Variants in ERC2 observed in about 807,000 individuals in gnomAD.
ERC2 encodes the protein ELKS/RAB6-interacting/CAST family member 2, also known as ERC protein 2.
Under a neutral mutation model 114.8 loss-of-function variants are expected in ERC2, and 42 were observed. That is an observed-to-expected ratio of 0.37 (90% CI 0.29 to 0.47). The LOEUF (loss-of-function observed/expected upper bound fraction) is 0.47. ERC2 is among the 20% of genes least tolerant of loss of function. The probability of loss-of-function intolerance (pLI) is 0.99; values close to 1 mark genes in which losing one functional copy is unlikely to be tolerated. For missense variants in ERC2, 939 were observed against 1,150.7 expected, an observed-to-expected ratio of 0.82 and a Z score of 2.66; for synonymous variants, 454 against 425.5, an observed-to-expected ratio of 1.07 and a Z score of -0.82.
intron 2 of ERC2, among the ~76,000 whole-genome samples, chr3:56,340,611 AAGCATTATT>A (rs758447418): frequency 2.7e-5 from 4 of 150,106 alleles, no homozygotes; most frequent in Non-Finnish European, 5.9e-5. Context: ...GCATATTTTT[AAGCATTATT>A]AGCAGCCTTG....
intron 3 of ERC2, among the ~76,000 whole-genome samples, chr3:56,181,817 G>A (rs1300028347): frequency 6.6e-6 from 1 of 152,152 alleles, no homozygotes; most frequent in Non-Finnish European, 1.5e-5. Flanking sequence ...CACATCATGA[G>A]GATATCAAGA....
At chr3:56,346,696 T>TTA (rs1201198114) in intron 2 of ERC2, among the ~76,000 whole-genome samples, 1 of 152,240 alleles carries the variant, frequency 6.6e-6, no homozygotes, top group Non-Finnish European at 1.5e-5. Context: ...ATAACAATAC[T>TTA]GTCTTAGTCT....
rs1278365207 is a variant in ERC2, at chr3:55,508,715, G to C, written c.*2601C>G. 6.6e-6 allele frequency: 1 copy of C among 152,458 alleles called. No homozygotes were observed. Among genetic ancestry groups the C allele is most frequent in the African/African-American group, 2.4e-5 (1 of 41,378 alleles). The allele number at this position is 152,458 out of a possible 1,614,324, so 9.4% of individuals were successfully genotyped here. Reference sequence around the variant, plus strand: ...TCTCGTCATAAACACTGTTTAAAAAGTAAATTGAAACCCACTTTCAAATGA... The same window carrying C: ...TCTCGTCATAAACACTGTTTAAAAACTAAATTGAAACCCACTTTCAAATGA... On this transcript the variant is annotated 3_prime_UTR_variant, in exon 18 of 18. Transcript: ENST00000288221.
At chr3:55,655,459 T>C (rs1211911106) in intron 17 of ERC2, among the ~76,000 whole-genome samples, 1 of 152,154 alleles carries the variant, frequency 6.6e-6, no homozygotes, top group Non-Finnish European at 1.5e-5. Context: ...TTAAAAGAAT[T>C]GAAATAAGTT....
intron 2 of ERC2, among the ~76,000 whole-genome samples, chr3:56,390,499 A>G (rs1478019395): frequency 2.0e-5 from 3 of 152,326 alleles, no homozygotes; most frequent in Admixed American, 2.0e-4. Context: ...GCTACCTTGT[A>G]CACTGGGTTT....
chr3:55,708,948 A>AAGAC (rs1336540633), intron 15 of ERC2, among the ~76,000 whole-genome samples: 5 of 128,404 alleles, frequency 3.9e-5, no homozygotes, highest in African/African-American at 1.6e-4. Flanking sequence ...GGAGAGAGGA[A>AAGAC]AGACAGTGTT....
At chr3:55,705,248 C>T (rs776262417) in intron 15 of ERC2, among the ~76,000 whole-genome samples, 11 of 152,136 alleles carry the variant, frequency 7.2e-5, no homozygotes, top group Non-Finnish European at 1.6e-4. Context: ...GGGTCAAACG[C>T]CCCTTGAGTT....
intron 17 of ERC2, among the ~76,000 whole-genome samples, chr3:55,565,410 C>A (rs1172151444): frequency 1.3e-5 from 2 of 152,122 alleles, no homozygotes; most frequent in Non-Finnish European, 2.9e-5. Context: ...TGGAAGCCTG[C>A]TGGGAAGAGA....
chr3:56,254,869 T>A (rs12630006), intron 3 of ERC2, among the ~76,000 whole-genome samples: 68,504 of 152,006 alleles, frequency 0.45, 15,677 homozygotes, highest in Middle Eastern at 0.49. Context: ...TAACACCTGT[T>A]AAATAGTCAA....
At chr3:55,980,336 A>G (rs2070013230) in intron 12 of ERC2, among the ~76,000 whole-genome samples, 1 of 152,194 alleles carries the variant, frequency 6.6e-6, no homozygotes, top group Non-Finnish European at 1.5e-5. Flanking sequence ...TCCTCAGACA[A>G]ACATACACAG....
chr3:55,935,515 G>C (rs781280166), intron 13 of ERC2, among the ~76,000 whole-genome samples: 1 of 152,260 alleles, frequency 6.6e-6, no homozygotes, highest in East Asian at 1.9e-4. Context: ...ACAAACTCTT[G>C]GCTAGTGAGA....
At chr3:56,303,093 A>C (rs1358424003) in intron 2 of ERC2, among the ~76,000 whole-genome samples, 1 of 152,212 alleles carries the variant, frequency 6.6e-6, no homozygotes, top group Non-Finnish European at 1.5e-5. Flanking sequence ...AAAGATTCAA[A>C]ATTCAAAAGG....
intron 10 of ERC2, among the ~76,000 whole-genome samples, chr3:55,997,070 A>T (rs898412373): frequency 1.3e-5 from 2 of 152,228 alleles, no homozygotes; most frequent in African/African-American, 4.8e-5. Context: ...CTGCTGTGAA[A>T]CAAGGCAGGG....
intron 6 of ERC2, among the ~76,000 whole-genome samples, chr3:56,109,126 G>A (rs988285024): frequency 6.6e-6 from 1 of 152,002 alleles, no homozygotes; most frequent in African/African-American, 2.4e-5. Context: ...CAGGTACTAA[G>A]CCTAGTACCT....
intron 3 of ERC2, among the ~76,000 whole-genome samples, chr3:56,199,743 A>G (rs561291893): frequency 9.6e-4 from 146 of 152,244 alleles, no homozygotes; most frequent in African/African-American, 3.4e-3. Flanking sequence ...CCCTGGGCTC[A>G]AGTAATCCTC....
chr3:56,173,363 A>C (rs1468572117), intron 4 of ERC2, 83 bp downstream of exon 4: 1 of 1,323,768 alleles, frequency 7.6e-7, no homozygotes, highest in African/African-American at 1.4e-5. Context: ...CACAAGGTTC[A>C]TTTCATGTTT....
chr3:56,242,606 A>C (rs1188674209), intron 3 of ERC2, among the ~76,000 whole-genome samples: 1 of 152,132 alleles, frequency 6.6e-6, no homozygotes, highest in Non-Finnish European at 1.5e-5. Flanking sequence ...TAGATGTAAA[A>C]TTCTCAAAGC....
intron 13 of ERC2, among the ~76,000 whole-genome samples, chr3:55,924,768 C>T (rs2065651601): frequency 6.6e-6 from 1 of 152,114 alleles, no homozygotes. Context: ...GATGGATCAG[C>T]AGAGTAGGGG....
At chr3:55,763,027 G>C (rs1450915010) in intron 14 of ERC2, among the ~76,000 whole-genome samples, 1 of 152,174 alleles carries the variant, frequency 6.6e-6, no homozygotes, top group East Asian at 1.9e-4. Flanking sequence ...TAATTAAACA[G>C]AGAATCAAGA....
Sources: gnomAD v4.1 joint callset for allele counts (sites outside exome capture counted in the v4.1 genomes callset) on GRCh38, gnomAD v4.1.1 for gene constraint, MANE v1.5 for transcripts, NCBI Gene and HGNC (gene_info 2026-07-23, HGNC 2026-07-21) for gene names.